The following RASGRF1 variants were observed in gnomAD, a reference collection of about 807,000 sequenced individuals.
RASGRF1 encodes ras-specific guanine nucleotide-releasing factor 1.
RASGRF1 carries 40 observed loss-of-function variants against 138.7 expected under a neutral mutation model. The observed-to-expected ratio is 0.29, with a 90% CI of 0.22 to 0.38. The LOEUF is 0.38. Among genes scored for constraint, RASGRF1 ranks in the 10% least tolerant of loss-of-function variants. The probability of loss-of-function intolerance (pLI) is 1.00; values close to 1 mark genes in which losing one functional copy is unlikely to be tolerated. For missense variants in RASGRF1, 1,108 were observed against 1,650.4 expected (o/e 0.67, Z 5.69); for synonymous variants, 614 against 663.2 (o/e 0.93, Z 1.14).
chr15:79,012,158 T>G (rs1218132468), intron 13 of RASGRF1, among the ~76,000 whole-genome samples: 1 of 152,228 alleles, frequency 6.6e-6, no homozygotes, highest in Non-Finnish European at 1.5e-5. Flanking sequence ...ATTGCCTGCA[T>G]GACATCACTC....
chr15:78,988,273 C>T (rs1251963775), intron 22 of RASGRF1, among the ~76,000 whole-genome samples: 1 of 152,204 alleles, frequency 6.6e-6, no homozygotes, highest in African/African-American at 2.4e-5. Context: ...GGTGAACACT[C>T]AGTGAATGCT....
chr15:78,990,086 G>A (rs574815441), intron 22 of RASGRF1, 103 bp downstream of exon 22: 5 of 959,626 alleles, frequency 5.2e-6, no homozygotes, highest in Non-Finnish European at 8.5e-6. Context: ...GAGGACCCAG[G>A]AGTCTGGTTC....
intron 15 of RASGRF1, among the ~76,000 whole-genome samples, chr15:79,003,456 C>T (rs936832291): frequency 2.0e-5 from 3 of 152,250 alleles, no homozygotes; most frequent in Non-Finnish European, 2.9e-5. Flanking sequence ...CTGGCCCAGG[C>T]CCTGTCCTCT....
rs1384474050 is a variant in RASGRF1, at chr15:78,973,411, T to A, written c.3504A>T (p.Pro1168=). ...NLREALKNCD[P]PCVPYLGMYL... ...ACATCCCCAGGTAAGGGACACAGGGTGGGTCACAACTTGGAAGCAAACGGC... is the reference window on the plus strand; with the variant it reads ...ACATCCCCAGGTAAGGGACACAGGGAGGGTCACAACTTGGAAGCAAACGGC... Residue 1168 remains proline, a synonymous_variant, in exon 25 of 27, where the codon CCA becomes CCT. Coordinates refer to ENST00000558480, the MANE Select transcript of RASGRF1 (RefSeq NM_001145648.3). The surrounding 1 kb of genome is among the most constrained non-coding windows in gnomAD (Gnocchi z 4.9). The A allele has an allele frequency of 6.2e-7, 1 of 1,607,376 alleles. No homozygotes were observed. Among genetic ancestry groups the A allele is most frequent in the Non-Finnish European group, 8.5e-7 (1 of 1,176,556 alleles).
Position 78,973,210 on chromosome 15 carries a change from T to C in RASGRF1, c.3612+93A>G, listed in dbSNP as rs2055804624. 2.0e-6 allele frequency: 2 copies of C among 1,021,468 alleles called. No individual in the cohort carries two copies. The highest frequency in any genetic ancestry group is 3.1e-5 in the South Asian group (2 of 63,742). 63.3% of individuals were successfully genotyped at this position (1,021,468 alleles called of 1,614,324 possible). ...AAATGGGGGCACCCTATGCAGCAGG[T>C]TGGGCCTTGGGGGGCAGAGTGTGGG... On this transcript the variant is annotated intron_variant, in intron 25 of 26. Transcript: ENST00000558480. The surrounding 1 kb of genome is among the most constrained non-coding windows in gnomAD (Gnocchi z 4.9).
At chr15:79,056,002 T>C (rs1423549126) in intron 3 of RASGRF1, among the ~76,000 whole-genome samples, 1 of 152,186 alleles carries the variant, frequency 6.6e-6, no homozygotes, top group Non-Finnish European at 1.5e-5. Context: ...GAGCCTGCTC[T>C]CACATGGTGA....
intron 20 of RASGRF1, among the ~76,000 whole-genome samples, chr15:78,995,288 TTC>T (rs1174505903): frequency 1.6e-4 from 6 of 38,320 alleles, no homozygotes; most frequent in South Asian, 2.7e-3. Context: ...TCTTTTTTCT[TTC>T]TTTTTTTTTT....
intron 1 of RASGRF1, among the ~76,000 whole-genome samples, chr15:79,067,662 C>T (rs530706092): frequency 5.3e-5 from 8 of 152,290 alleles, no homozygotes; most frequent in African/African-American, 1.7e-4. Flanking sequence ...AAATTGTTTG[C>T]TAAGGGAAAG....
At chr15:79,033,972 G>A (rs1468420660) in intron 6 of RASGRF1, among the ~76,000 whole-genome samples, 1 of 152,238 alleles carries the variant, frequency 6.6e-6, no homozygotes, top group African/African-American at 2.4e-5. Context: ...CATGTGATGG[G>A]TGTCTGACCA....
chr15:79,080,223 T>C (rs546676375), intron 1 of RASGRF1, among the ~76,000 whole-genome samples: 1 of 152,352 alleles, frequency 6.6e-6, no homozygotes, highest in East Asian at 1.9e-4. Flanking sequence ...GCCCACCTGA[T>C]ATTGGCTTTC....
intron 24 of RASGRF1, chr15:78,978,915 G>A (rs1294565616): frequency 2.1e-5 from 27 of 1,264,216 alleles, no homozygotes; most frequent in Non-Finnish European, 2.7e-5. Context: ...GGGAATGTGG[G>A]AGAGACACTT....
chr15:79,089,825 C>CGA (rs1156840527), intron 1 of RASGRF1, among the ~76,000 whole-genome samples: 1 of 152,188 alleles, frequency 6.6e-6, no homozygotes, highest in Non-Finnish European at 1.5e-5. Context: ...GTAGAACAGA[C>CGA]GATCGGGGCT....
At chr15:79,004,923 G>C (rs1655235598) in intron 14 of RASGRF1, 1 of 982,748 alleles carries the variant, frequency 1.0e-6, no homozygotes, top group Non-Finnish European at 1.2e-6. Flanking sequence ...GTAGGAAACT[G>C]AGTCTCAGAA....
chr15:79,068,902 G>A (rs2057717208), intron 1 of RASGRF1, among the ~76,000 whole-genome samples: 1 of 152,060 alleles, frequency 6.6e-6, no homozygotes. Context: ...GAGGCCAGGC[G>A]ATGACCTCTC....
chr15:79,041,441 CTTTA>C (rs2057296010), intron 5 of RASGRF1, among the ~76,000 whole-genome samples: 2 of 152,302 alleles, frequency 1.3e-5, no homozygotes, highest in Admixed American at 1.3e-4. Flanking sequence ...AAAAAGAAAT[CTTTA>C]TTTAAGTGTG....
chr15:79,046,789 G>C lies in RASGRF1; in HGVS notation c.835C>G (p.Pro279Ala). 1 of 1,614,246 alleles carries C rather than the reference G, an allele frequency of 6.2e-7. No individual in the cohort carries two copies. Among genetic ancestry groups the C allele is most frequent in the South Asian group, 1.1e-5 (1 of 91,088 alleles). ...PLRMAASSKK[P>A]PITHDDVSSI... ...CTGACGTCGTCGTGTGTGATGGGAG[G>C]CTTCTTGGAGCTGGCGGCCATCCGC... The change falls in exon 5 of 27, where the codon CCT becomes GCT. Residue 279 changes from proline (P) to alanine (A), a missense_variant. By Grantham distance (27) the Pro-to-Ala change is conservative. Transcript: ENST00000558480. The surrounding 1 kb of genome is among the most constrained non-coding windows in gnomAD (Gnocchi z 5.3).
intron 24 of RASGRF1, chr15:78,980,333 C>T (rs554793616): frequency 2.6e-5 from 7 of 274,050 alleles, no homozygotes; most frequent in Middle Eastern, 1.0e-3. Context: ...ATTTTAGAAT[C>T]GAGAAATCTG....
rs2057422233 is a variant in RASGRF1, at chr15:79,050,930, G to A, written c.532-1342C>T. On this transcript the variant is annotated intron_variant, in intron 3 of 26. Transcript: ENST00000558480. The surrounding 1 kb of genome is among the most constrained non-coding windows in gnomAD (Gnocchi z 4.1). Reference sequence around the variant, plus strand: ...GAGCTCTAAGGGAGAAGGGATTGCAGCTGTTTCATTTATTGTGCTCCTGGT... The same window carrying A: ...GAGCTCTAAGGGAGAAGGGATTGCAACTGTTTCATTTATTGTGCTCCTGGT... Among the ~76,000 whole-genome samples, 1 of 152,216 alleles carries A rather than the reference G, an allele frequency of 6.6e-6. No homozygotes were observed. The highest frequency in any genetic ancestry group is 1.5e-5 in the Non-Finnish European group (1 of 68,038).
intron 24 of RASGRF1, chr15:78,979,469 T>C (rs1489316323): frequency 5.0e-6 from 1 of 199,840 alleles, no homozygotes; most frequent in Non-Finnish European, 1.1e-5. Flanking sequence ...TCCTGAGCTA[T>C]ATAGGGAACC....
Sources: allele counts gnomAD v4.1 joint callset (sites outside exome capture counted in the v4.1 genomes callset), GRCh38; gene constraint gnomAD v4.1.1; non-coding constraint Gnocchi (gnomAD v3.1); transcripts MANE v1.5; gene names NCBI Gene and HGNC (gene_info 2026-07-23, HGNC 2026-07-21).